The following SEMA3A variants were observed in gnomAD, a reference collection of about 807,000 sequenced individuals.
SEMA3A encodes the protein semaphorin 3A.
In SEMA3A, 29 loss-of-function variants were observed where a neutral mutation model predicts 97.9. The ratio of observed to expected loss-of-function variants is 0.30; its 90% confidence interval spans 0.22 to 0.40. The LOEUF (loss-of-function observed/expected upper bound fraction) is 0.40. Ranked by LOEUF, SEMA3A falls within the 10% of genes least tolerant of loss-of-function variation. The probability of loss-of-function intolerance (pLI) is 1.00; values close to 1 mark genes in which losing one functional copy is unlikely to be tolerated. For synonymous variants in SEMA3A, 321 were observed against 323.7 expected (o/e 0.99, Z 0.09); for missense variants, 763 against 951.3 (o/e 0.80, Z 2.60).
intron 1 of SEMA3A, among the ~76,000 whole-genome samples, chr7:84,150,962 A>G (rs1584043050): frequency 1.3e-5 from 2 of 149,472 alleles, no homozygotes; most frequent in Non-Finnish European, 3.0e-5. Context: ...ACTGGGAGGC[A>G]CCCCCCAGCA....
At chr7:84,336,063 C>T (rs557100796) in intron 2 of SEMA3A, among the ~76,000 whole-genome samples, 16 of 152,116 alleles carry the variant, frequency 1.1e-4, no homozygotes, top group African/African-American at 3.1e-4. Flanking sequence ...AGCTAAAATC[C>T]AGTAACAGCA....
chr7:84,110,425 G>A, intron 4 of SEMA3A, 45 bp downstream of exon 4: 8 of 1,606,508 alleles, frequency 5.0e-6, no homozygotes, highest in Non-Finnish European at 6.8e-6. Flanking sequence ...ATTTTGAATA[G>A]AAAGGGGTCA....
intron 1 of SEMA3A, among the ~76,000 whole-genome samples, chr7:84,455,932 T>C (rs963935430): frequency 3.3e-5 from 5 of 151,968 alleles, no homozygotes; most frequent in African/African-American, 7.2e-5. Flanking sequence ...CTGAAATAGC[T>C]TGTGAGACAG....
rs768783031 is a variant in SEMA3A, at chr7:83,961,486, C to T, written c.2201G>A (p.Arg734Gln). Residue 734 changes from arginine to glutamine, a missense_variant, in exon 17 of 17, where the codon CGG (arginine) becomes CAG (glutamine). This residue lies in a region of SEMA3A where 678 missense variants were observed against 881.3 expected (regional missense o/e 0.77). Transcript: ENST00000265362. The stretch of plus-strand genomic sequence containing the variant: ...CCCTGGGGTATGTCCTGGCCTTTGC[C>T]GACGTTGTTTTCGGTCCCTTTTCCA... ...QVWKRDRKQR[R>Q]QRPGHTPGNS... 9.3e-6 allele frequency: 15 copies of T among 1,614,006 alleles called. No homozygotes were observed. Among genetic ancestry groups the T allele is most frequent in the South Asian group, 5.5e-5 (5 of 91,086 alleles).
At chr7:84,241,935 T>A (rs1799373633) in intron 3 of SEMA3A, among the ~76,000 whole-genome samples, 1 of 152,156 alleles carries the variant, frequency 6.6e-6, no homozygotes, top group South Asian at 2.1e-4. Context: ...ATCAGACAGT[T>A]GTAGATCTGT....
Position 84,077,199 on chromosome 7 carries a change from C to G in SEMA3A, c.454-16641G>C, listed in dbSNP as rs114127491. Among the ~76,000 whole-genome samples the G allele has an allele frequency of 3.4e-3, 520 of 152,128 alleles. 3 individuals carry two copies. Among genetic ancestry groups the G allele is most frequent in the African/African-American group, 0.012 (478 of 41,546 alleles). On this transcript the variant is annotated intron_variant, in intron 4 of 16. Transcript: ENST00000265362. ...CTGAGTCAGAAAGCAAATCAATGGTCTACAAAAAGTAAAGTAATAGAACAA... is the reference window on the plus strand; with the variant it reads ...CTGAGTCAGAAAGCAAATCAATGGTGTACAAAAAGTAAAGTAATAGAACAA...
intron 4 of SEMA3A, among the ~76,000 whole-genome samples, chr7:84,067,692 T>G (rs1484570409): frequency 6.6e-6 from 1 of 152,114 alleles, no homozygotes; most frequent in Non-Finnish European, 1.5e-5. Flanking sequence ...TCACTGGTCA[T>G]CAGAGAAATG....
chr7:84,477,073 A>AT (rs1554394128), intron 1 of SEMA3A, among the ~76,000 whole-genome samples: 2,041 of 140,522 alleles, frequency 0.015, 32 homozygotes, highest in African/African-American at 0.045. Context: ...AAAAAAAAAA[A>AT]ATATATATAT....
chr7:84,430,347 C>T (rs1804946999), intron 1 of SEMA3A, among the ~76,000 whole-genome samples: 2 of 151,832 alleles, frequency 1.3e-5, no homozygotes, highest in Non-Finnish European at 2.9e-5. Flanking sequence ...ATATAGTTAA[C>T]TAAATAACAC....
intron 15 of SEMA3A, among the ~76,000 whole-genome samples, chr7:83,967,606 T>G (rs559851946): frequency 6.6e-5 from 10 of 151,864 alleles, no homozygotes; most frequent in Admixed American, 1.3e-4. Flanking sequence ...ATACAAAAAA[T>G]TAGTGGGGCA....
intron 1 of SEMA3A, among the ~76,000 whole-genome samples, chr7:84,430,980 T>C (rs772639273): frequency 2.6e-5 from 4 of 151,966 alleles, no homozygotes; most frequent in Non-Finnish European, 5.9e-5. Context: ...AGATTTTCCA[T>C]GTACACTCAG....
rs17158679 is a variant in SEMA3A at position 84,157,594 on chromosome 7, C to T, written c.113-22643G>A. The stretch of plus-strand genomic sequence containing the variant: ...TGCTGGAGCATACGGCTAGTTCAAG[C>T]GATTTTAATATTCTGACTAAGGTAT... On this transcript the variant is annotated intron_variant, in intron 1 of 16. Coordinates refer to ENST00000265362, the MANE Select transcript of SEMA3A (RefSeq NM_006080.3). Among the ~76,000 whole-genome samples, 13 of 152,146 alleles carry T rather than the reference C, an allele frequency of 8.5e-5. 1 individual carries two copies. The highest frequency in any genetic ancestry group is 2.6e-4 in the Admixed American group (4 of 15,276).
intron 2 of SEMA3A, among the ~76,000 whole-genome samples, chr7:84,340,147 A>C (rs1450825991): frequency 1.3e-5 from 2 of 152,182 alleles, no homozygotes; most frequent in Non-Finnish European, 2.9e-5. Flanking sequence ...TAGTTAATAT[A>C]CTTTTACAAT....
At chr7:84,299,242 G>GTGTA (rs71522698) in intron 3 of SEMA3A, among the ~76,000 whole-genome samples, 1 of 127,536 alleles carries the variant, frequency 7.8e-6, no homozygotes, top group Non-Finnish European at 1.6e-5. Flanking sequence ...AAAACAGTGT[G>GTGTA]TATATATATA....
intron 2 of SEMA3A, among the ~76,000 whole-genome samples, chr7:84,351,326 C>T (rs552668320): frequency 1.3e-5 from 2 of 152,156 alleles, no homozygotes; most frequent in East Asian, 3.9e-4. Context: ...TTGCGTAAGC[C>T]TTTGAAAAAC....
chr7:84,187,481 T>C lies in SEMA3A; in HGVS notation c.112+6994A>G, dbSNP rs546638323. ...ACATATTTATTGTATGTTTCCTATC[T>C]CTTAGCTGCAGACTAACAAATATGA... On this transcript the variant is annotated intron_variant, in intron 1 of 16. Coordinates refer to ENST00000265362, the MANE Select transcript of SEMA3A (RefSeq NM_006080.3). Among the ~76,000 whole-genome samples the C allele has an allele frequency of 5.3e-5, 8 of 152,178 alleles. No homozygotes were observed. In the East Asian group the frequency reaches 1.5e-3, roughly 29 times the overall value.
chr7:84,042,946 T>C (rs1792201092), intron 6 of SEMA3A, among the ~76,000 whole-genome samples: 1 of 152,080 alleles, frequency 6.6e-6, no homozygotes, highest in Admixed American at 6.6e-5. Flanking sequence ...GTTTCCTTAC[T>C]ATAAATATAC....
chr7:84,468,639 A>G (rs1172986850), intron 1 of SEMA3A, among the ~76,000 whole-genome samples: 7 of 152,192 alleles, frequency 4.6e-5, no homozygotes, highest in African/African-American at 1.7e-4. Context: ...ATTCTGAATG[A>G]GTAAACTAAG....
chr7:84,002,221 TAGAC>T (rs1462075047), intron 11 of SEMA3A, among the ~76,000 whole-genome samples, 175 bp from the exon 12 acceptor site: 2 of 152,202 alleles, frequency 1.3e-5, no homozygotes, highest in Non-Finnish European at 2.9e-5. Context: ...TTCATGCAAT[TAGAC>T]AAAGTGTAAA....
Sources: gnomAD v4.1 joint callset for allele counts (sites outside exome capture counted in the v4.1 genomes callset) on GRCh38, gnomAD v4.1.1 for gene constraint, gnomAD v4.1.1 regional missense constraint, MANE v1.5 for transcripts, NCBI Gene and HGNC (gene_info 2026-07-23, HGNC 2026-07-21) for gene names.